NTAQ1: variants seen among roughly 807,000 people sequenced by gnomAD.
NTAQ1 encodes protein N-terminal glutamine amidohydrolase.
A neutral mutation model predicts 28.2 loss-of-function variants in NTAQ1; 21 were observed. The observed-to-expected ratio is 0.74, with a 90% confidence interval of 0.53 to 1.07. The LOEUF is 1.07. Among genes scored for constraint, NTAQ1 ranks in the 50% least tolerant of loss-of-function variants. The pLI is 0.00. For missense variants in NTAQ1, 264 were observed against 256.6 expected (o/e 1.03, Z -0.20); for synonymous variants, 105 against 90.0 (o/e 1.17, Z -0.94).
chr8:123,470,928 T>TC (rs1816034691), downstream of NTAQ1, among the ~76,000 whole-genome samples: 1 of 151,146 alleles, frequency 6.6e-6, no homozygotes, highest in South Asian at 2.1e-4. Flanking sequence ...CTTTTTTTTT[T>TC]TTCTTTTTTT....
chr8:123,459,705 A>G (rs1815761657), intron 6 of NTAQ1, among the ~76,000 whole-genome samples: 1 of 152,122 alleles, frequency 6.6e-6, no homozygotes, highest in Non-Finnish European at 1.5e-5. Context: ...TAATTCCAAC[A>G]AAAGTTTCTC....
chr8:123,468,478 T>G (rs1816006983), exon 7 of NTAQ1, among the ~76,000 whole-genome samples: 1 of 152,232 alleles, frequency 6.6e-6, no homozygotes. Flanking sequence ...TTATCTGCAT[T>G]ATTTTACTTA....
downstream of NTAQ1, among the ~76,000 whole-genome samples, chr8:123,473,925 GTTA>G (rs778577700): frequency 1.8e-4 from 27 of 151,984 alleles, no homozygotes; most frequent in East Asian, 1.7e-3. Context: ...AAATTGCATT[GTTA>G]TTATTATTAC....
intron 2 of NTAQ1, among the ~76,000 whole-genome samples, chr8:123,428,870 G>A (rs1467522156): frequency 1.3e-5 from 2 of 152,140 alleles, no homozygotes; most frequent in African/African-American, 4.8e-5. Flanking sequence ...CCAATGTGGT[G>A]GGATTACCAG....
At chr8:123,431,430 T>C (rs1814387388) in intron 3 of NTAQ1, among the ~76,000 whole-genome samples, 4 of 151,966 alleles carry the variant, frequency 2.6e-5, no homozygotes, top group Admixed American at 6.6e-5. Flanking sequence ...AACAAACTCC[T>C]AGTTTCTGGG....
chr8:123,469,941 A>C (rs1246808856), exon 7 of NTAQ1, among the ~76,000 whole-genome samples: 2 of 152,174 alleles, frequency 1.3e-5, no homozygotes, highest in Non-Finnish European at 2.9e-5. Context: ...TGTCCCCCAA[A>C]ATGTACATGT....
At chr8:123,457,615 A>T (rs1456625210) in intron 6 of NTAQ1, among the ~76,000 whole-genome samples, 1 of 152,192 alleles carries the variant, frequency 6.6e-6, no homozygotes, top group Non-Finnish European at 1.5e-5. Flanking sequence ...CCAGTACCAA[A>T]TTGGTAATAT....
chr8:123,441,716 A>T lies in NTAQ1; in HGVS notation c.*301A>T, dbSNP rs1242568982. On this transcript the variant is annotated 3_prime_UTR_variant, in exon 6 of 6. Coordinates refer to ENST00000287387, the MANE Select transcript of NTAQ1 (RefSeq NM_018024.3). Reference sequence around the variant, plus strand: ...TTTGTTCAGATAGAGGTGTGGAGGTAGAGCCAGCCCCTCATGTCTGTTTTG... The same window carrying T: ...TTTGTTCAGATAGAGGTGTGGAGGTTGAGCCAGCCCCTCATGTCTGTTTTG... The T allele has an allele frequency of 3.1e-6, 1 of 321,150 alleles. No homozygotes were observed. Among genetic ancestry groups the T allele is most frequent in the Non-Finnish European group, 5.9e-6 (1 of 170,406 alleles). The allele number at this position is 321,150 out of a possible 1,614,324, so 19.9% of individuals were successfully genotyped here. A position where few individuals can be genotyped will look rare whatever the true frequency, so the allele number is the denominator to read the frequency against.
intron 3 of NTAQ1, among the ~76,000 whole-genome samples, chr8:123,434,849 G>T (rs533102814): frequency 5.6e-4 from 86 of 152,244 alleles, no homozygotes; most frequent in Non-Finnish European, 9.7e-4. Context: ...GTGGTGGACT[G>T]TTTGGGGGCG....
chr8:123,449,974 T>TAA (rs371673968), downstream of NTAQ1, among the ~76,000 whole-genome samples: 416 of 56,078 alleles, frequency 7.4e-3, 114 homozygotes, highest in South Asian at 0.083. Flanking sequence ...TATATATATA[T>TAA]GCTGGATAAA....
intron 4 of NTAQ1, among the ~76,000 whole-genome samples, 194 bp downstream of exon 4, chr8:123,436,795 A>G (rs746855428): frequency 1.3e-4 from 20 of 152,312 alleles, no homozygotes; most frequent in Non-Finnish European, 1.9e-4. Context: ...TATCTATCAT[A>G]TGAAAGGTTG....
rs1304782115 is a variant in NTAQ1, at chr8:123,416,944, C to T, written c.83+12C>T. ...AGCAGCTGCTACTGGTGAGGGGGCG[C>T]GGGCGCAGCCTCTGGGTCTCCCAGG... On this transcript the variant is annotated intron_variant, in intron 1 of 5. Coordinates refer to ENST00000287387, the MANE Select transcript of NTAQ1 (RefSeq NM_018024.3). 5 of 1,475,076 alleles carry T rather than the reference C, an allele frequency of 3.4e-6. No homozygotes were observed. The highest frequency in any genetic ancestry group is 2.3e-5 in the Admixed American group (1 of 43,762). 91.4% of individuals were successfully genotyped at this position (1,475,076 alleles called of 1,614,324 possible).
chr8:123,464,048 T>C (rs1402288727), intron 6 of NTAQ1, among the ~76,000 whole-genome samples: 1 of 152,186 alleles, frequency 6.6e-6, no homozygotes, highest in Non-Finnish European at 1.5e-5. Context: ...GACTTTGCTT[T>C]TCCTTCACCT....
intron 1 of NTAQ1, among the ~76,000 whole-genome samples, chr8:123,425,509 T>C (rs1814001445): frequency 6.6e-6 from 1 of 151,864 alleles, no homozygotes; most frequent in South Asian, 2.1e-4. Context: ...ACTTTTCCCT[T>C]GTAGTTTCCT....
At chr8:123,425,099 A>T (rs1308334417) in intron 1 of NTAQ1, among the ~76,000 whole-genome samples, 1 of 148,626 alleles carries the variant, frequency 6.7e-6, no homozygotes, top group African/African-American at 2.5e-5. Flanking sequence ...AGTCAATAAA[A>T]TTTTTTTTTT....
At chr8:123,423,680 G>C (rs953151088) in intron 1 of NTAQ1, among the ~76,000 whole-genome samples, 1 of 151,694 alleles carries the variant, frequency 6.6e-6, no homozygotes, top group African/African-American at 2.4e-5. Flanking sequence ...CATGATATTC[G>C]TTATGCTCTT....
At chr8:123,433,106 CTT>C (rs1265304443) in intron 3 of NTAQ1, among the ~76,000 whole-genome samples, 3 of 152,220 alleles carry the variant, frequency 2.0e-5, no homozygotes, top group Non-Finnish European at 4.4e-5. Context: ...CACAATCAGT[CTT>C]TTCCTGGCAG....
intron 6 of NTAQ1, among the ~76,000 whole-genome samples, chr8:123,454,045 T>C (rs1047809292): frequency 3.3e-5 from 5 of 152,198 alleles, no homozygotes; most frequent in African/African-American, 1.2e-4. Flanking sequence ...AGCTTCCCCA[T>C]GGTCGGGATG....
At chr8:123,420,222 A>G (rs1813594715) in intron 1 of NTAQ1, among the ~76,000 whole-genome samples, 1 of 152,042 alleles carries the variant, frequency 6.6e-6, no homozygotes, top group Non-Finnish European at 1.5e-5. Flanking sequence ...AGCTCCATCC[A>G]TGTTGCTGCA....
Sources: gnomAD v4.1 joint callset for allele counts (sites outside exome capture counted in the v4.1 genomes callset) on GRCh38, gnomAD v4.1.1 for gene constraint, MANE v1.5 for transcripts, NCBI Gene and HGNC (gene_info 2026-07-23, HGNC 2026-07-21) for gene names.